The following KRAS variants were observed in gnomAD, a reference collection of about 807,000 sequenced individuals.
KRAS encodes the protein GTPase KRas.
A neutral mutation model predicts 21.0 loss-of-function variants in KRAS; 1 was observed. The ratio of observed to expected loss-of-function variants is 0.05; its 90% CI spans 0.02 to 0.23. The LOEUF (loss-of-function observed/expected upper bound fraction) is 0.23, where lower values mean the gene tolerates loss of function less well. KRAS is among the 10% of genes least tolerant of loss of function. The probability of loss-of-function intolerance (pLI) is 1.00; values close to 1 mark genes in which losing one functional copy is unlikely to be tolerated. For missense variants in KRAS, 107 were observed against 221.8 expected, an observed-to-expected ratio of 0.48 and a Z score of 3.29; for synonymous variants, 67 against 72.5, an observed-to-expected ratio of 0.92 and a Z score of 0.39.
chr12:25,221,924 G>A (rs1029489606), intron 4 of KRAS, among the ~76,000 whole-genome samples: 12 of 152,138 alleles, frequency 7.9e-5, no homozygotes, highest in Non-Finnish European at 5.9e-5. Context: ...GCCGAGGCAG[G>A]TGGATCACGA....
At chr12:25,226,620 A>G (rs967792467) in intron 3 of KRAS, among the ~76,000 whole-genome samples, 4 of 152,230 alleles carry the variant, frequency 2.6e-5, no homozygotes, top group African/African-American at 9.6e-5. Context: ...TCGTTATTAT[A>G]TGACATAGCC....
chr12:25,249,580 A>G (rs1951736836), intron 1 of KRAS, among the ~76,000 whole-genome samples: 1 of 147,674 alleles, frequency 6.8e-6, no homozygotes, highest in Non-Finnish European at 1.5e-5. Flanking sequence ...CAACAGAGCG[A>G]GACTGTGTCT....
chr12:25,230,027 C>G (rs1951445903), intron 2 of KRAS, among the ~76,000 whole-genome samples: 1 of 152,132 alleles, frequency 6.6e-6, no homozygotes, highest in African/African-American at 2.4e-5. Flanking sequence ...ACGCCTCAGC[C>G]TCTCAAAGTG....
chr12:25,229,312 T>C (rs186436187), intron 2 of KRAS, among the ~76,000 whole-genome samples: 361 of 152,286 alleles, frequency 2.4e-3, no homozygotes, highest in African/African-American at 8.0e-3. Context: ...CATGCATCTA[T>C]TTTATCTATA....
At chr12:25,235,341 T>C (rs983264785) in intron 2 of KRAS, 4 of 403,874 alleles carry the variant, frequency 9.9e-6, no homozygotes, top group Non-Finnish European at 1.8e-5. Flanking sequence ...TTTCCGTTTA[T>C]AAGCCATCAA....
At chr12:25,233,720 G>A (rs1951507155) in intron 2 of KRAS, 1 of 210,826 alleles carries the variant, frequency 4.7e-6, no homozygotes, top group South Asian at 1.9e-4. Context: ...GTGTTGGTAG[G>A]GCTCACGCCT....
At chr12:25,234,997 C>T in intron 2 of KRAS, 1 of 326,882 alleles carries the variant, frequency 3.1e-6, no homozygotes, top group Non-Finnish European at 5.6e-6. Flanking sequence ...CAGCAGTCAA[C>T]ATTTACTGAG....
chr12:25,228,621 C>T (rs934624812), intron 2 of KRAS, among the ~76,000 whole-genome samples: 8 of 151,964 alleles, frequency 5.3e-5, no homozygotes, highest in African/African-American at 1.9e-4. Flanking sequence ...GGGAGGATTA[C>T]TGGGGACTAT....
rs1210813708 is a variant in KRAS, at chr12:25,207,870, G to T, written c.*1925C>A. On this transcript the variant is annotated 3_prime_UTR_variant, in exon 5 of 5. Transcript: ENST00000311936. The stretch of plus-strand genomic sequence containing the variant: ...TAGGGCATTTCTGATGTGACTCAGT[G>T]GGAAAACTTCATGGAGATATCCACA... 1 of 233,068 alleles carries T rather than the reference G, an allele frequency of 4.3e-6. No homozygotes were observed. Among genetic ancestry groups the T allele is most frequent in the East Asian group, 6.0e-5 (1 of 16,562 alleles). 14.4% of individuals were successfully genotyped at this position (233,068 alleles called of 1,614,324 possible). A position where few individuals can be genotyped will look rare whatever the true frequency, so the allele number is the denominator to read the frequency against.
At chr12:25,245,165 T>G in intron 2 of KRAS, 109 bp downstream of exon 2, 2 of 1,191,574 alleles carry the variant, frequency 1.7e-6, no homozygotes, top group Non-Finnish European at 2.4e-6. Flanking sequence ...AACTTAACTT[T>G]CAGCATAATT....
intron 1 of KRAS, among the ~76,000 whole-genome samples, chr12:25,250,368 C>G (rs1199938036): frequency 5.9e-5 from 9 of 152,232 alleles, no homozygotes; most frequent in African/African-American, 2.2e-4. Flanking sequence ...GGCCGGGGCG[C>G]CGCGGGAGTA....
intron 2 of KRAS, among the ~76,000 whole-genome samples, chr12:25,236,022 G>A (rs1004842678): frequency 5.9e-5 from 9 of 152,070 alleles, no homozygotes; most frequent in Admixed American, 1.3e-4. Context: ...CCTCCTTCCG[G>A]CTGTGCAGCC....
At chr12:25,244,233 T>A (rs1951648127) in intron 2 of KRAS, among the ~76,000 whole-genome samples, 1 of 152,194 alleles carries the variant, frequency 6.6e-6, no homozygotes, top group Non-Finnish European at 1.5e-5. Context: ...CTTAGAAATT[T>A]TTCAGAACTG....
chr12:25,215,538 G>A (rs749177256), intron 4 of KRAS: 1 of 1,611,280 alleles, frequency 6.2e-7, no homozygotes, highest in South Asian at 1.1e-5. Flanking sequence ...TCTCACCAAT[G>A]TATAAAAAGC....
At chr12:25,216,258 G>A (rs1012235509) in intron 4 of KRAS, among the ~76,000 whole-genome samples, 3 of 152,162 alleles carry the variant, frequency 2.0e-5, no homozygotes, top group Non-Finnish European at 4.4e-5. Context: ...GGAGCATTTT[G>A]TATCCTTACT....
chr12:25,218,146 T>G (rs1951275942), intron 4 of KRAS, among the ~76,000 whole-genome samples: 1 of 152,020 alleles, frequency 6.6e-6, no homozygotes, highest in African/African-American at 2.4e-5. Context: ...AAAATATGTG[T>G]ATATATATAC....
At chr12:25,242,911 T>C (rs10842516) in intron 2 of KRAS, among the ~76,000 whole-genome samples, 28,878 of 152,088 alleles carry the variant, frequency 0.19, 2,862 homozygotes, top group Middle Eastern at 0.24. Context: ...AAAGAAACAA[T>C]AGCCACCCTC....
rs377712872 is a variant in KRAS, at chr12:25,208,000, G to A, written c.*1795C>T. 3 of 233,266 alleles carry A rather than the reference G, an allele frequency of 1.3e-5. No homozygotes were observed. In the South Asian group the frequency reaches 5.4e-4, roughly 42 times the overall value. 14.4% of individuals were successfully genotyped at this position (233,266 alleles called of 1,614,324 possible). A position where few individuals can be genotyped will look rare whatever the true frequency, so the allele number is the denominator to read the frequency against. On this transcript the variant is annotated 3_prime_UTR_variant, in exon 5 of 5. Coordinates refer to ENST00000311936, the MANE Select transcript of KRAS (RefSeq NM_004985.5). ...GCAAGATGACACTAATATGGAAGAA[G>A]AGTCCTAAAACGAGAATGGATATTC...
At chr12:25,219,278 T>C (rs551914423) in intron 4 of KRAS, among the ~76,000 whole-genome samples, 1 of 152,244 alleles carries the variant, frequency 6.6e-6, no homozygotes, top group African/African-American at 2.4e-5. Flanking sequence ...CAAATGTCAC[T>C]TATTAAACTT....
Sources: allele counts gnomAD v4.1 joint callset (sites outside exome capture counted in the v4.1 genomes callset), GRCh38; gene constraint gnomAD v4.1.1; transcripts MANE v1.5; gene names NCBI Gene and HGNC (gene_info 2026-07-23, HGNC 2026-07-21).